Variants in GLIS3 observed in about 807,000 individuals in gnomAD.
The protein encoded by GLIS3 is GLIS family zinc finger 3.
A neutral mutation model predicts 78.6 loss-of-function variants in GLIS3; 53 were observed. The ratio of observed to expected loss-of-function variants is 0.67; its 90% confidence interval spans 0.54 to 0.85. GLIS3 has a LOEUF of 0.85. Among genes scored for constraint, GLIS3 ranks in the 40% least tolerant of loss-of-function variants. GLIS3 has a pLI of 0.00. For missense variants in GLIS3, 1,703 were observed against 1,231.1 expected, an observed-to-expected ratio of 1.38 and a Z score of -5.74; for synonymous variants, 684 against 509.9, an observed-to-expected ratio of 1.34 and a Z score of -4.60.
At chr9:4,020,033 G>C (rs1235550327) in intron 4 of GLIS3, among the ~76,000 whole-genome samples, 1 of 152,148 alleles carries the variant, frequency 6.6e-6, no homozygotes, top group African/African-American at 2.4e-5. Context: ...TTACAGGCAT[G>C]AGCCACTGCA....
chr9:3,887,825 T>C (rs117209807), intron 7 of GLIS3, among the ~76,000 whole-genome samples: 1 of 152,296 alleles, frequency 6.6e-6, no homozygotes, highest in Non-Finnish European at 1.5e-5. Context: ...AACAAAGACA[T>C]TTTGTTACCA....
At chr9:4,065,224 C>T (rs1352460985) in intron 4 of GLIS3, among the ~76,000 whole-genome samples, 2 of 152,148 alleles carry the variant, frequency 1.3e-5, no homozygotes. Flanking sequence ...CTCAGGCTTT[C>T]CCTAACTCAC....
chr9:4,202,152 CTTTTT>C (rs71324286), intron 2 of GLIS3, among the ~76,000 whole-genome samples: 1 of 125,442 alleles, frequency 8.0e-6, no homozygotes, highest in Non-Finnish European at 1.6e-5. Flanking sequence ...CCCCCTTTTT[CTTTTT>C]TTTTTTTTTT....
chr9:4,435,690 C>T, the GLIS3 span, among the ~76,000 whole-genome samples: 1 of 152,192 alleles, frequency 6.6e-6, no homozygotes, highest in East Asian at 1.9e-4. Flanking sequence ...TGGCTCACGC[C>T]TGTAATCCCA....
At chr9:4,334,433 T>C (rs1817725006) in intron 2 of GLIS3, among the ~76,000 whole-genome samples, 1 of 152,238 alleles carries the variant, frequency 6.6e-6, no homozygotes, top group African/African-American at 2.4e-5. Context: ...GTCAGTGCCC[T>C]CTGTCCCCTC....
chr9:4,334,563 G>C (rs1817726660), intron 2 of GLIS3, among the ~76,000 whole-genome samples: 1 of 152,206 alleles, frequency 6.6e-6, no homozygotes, highest in Non-Finnish European at 1.5e-5. Flanking sequence ...GTTGTCATGG[G>C]GAAGTTATTG....
the GLIS3 span, among the ~76,000 whole-genome samples, chr9:4,408,750 A>G: frequency 1.4e-5 from 2 of 145,652 alleles, no homozygotes; most frequent in Non-Finnish European, 3.0e-5. Flanking sequence ...AAAAAAAAAT[A>G]GAGAGAATGA....
chr9:3,898,330 G>C (rs1252980527), intron 7 of GLIS3: 1 of 330,256 alleles, frequency 3.0e-6, no homozygotes, highest in Non-Finnish European at 5.9e-6. Context: ...GACAACAACT[G>C]TTTCATTAAG....
chr9:3,962,488 T>G (rs1290724398), intron 4 of GLIS3, among the ~76,000 whole-genome samples: 1 of 152,148 alleles, frequency 6.6e-6, no homozygotes, highest in African/African-American at 2.4e-5. Flanking sequence ...AGTTCCCTAA[T>G]GAAAATTAAC....
In GLIS3 at chr9:3,925,590, TGTGTGCGTGTGCGCGC is replaced by T. The variant is rs1293656581; in HGVS notation, c.1983+6754_1983+6769del. Among the ~76,000 whole-genome samples the T allele has an allele frequency of 5.3e-5, 8 of 150,124 alleles. No individual in the cohort carries two copies. In the East Asian group the frequency reaches 1.4e-3, roughly 25 times the overall value. ...AATGGGTGTGTCTACATGGTCAGTG[TGTGTGCGTGTGCGCGC>T]GTGTGTGTGTGTGTGCGCGCGATCA... On this transcript the variant is annotated intron_variant, in intron 6 of 10. Coordinates refer to ENST00000381971, the MANE Select transcript of GLIS3 (RefSeq NM_001042413.2).
intron 2 of GLIS3, among the ~76,000 whole-genome samples, chr9:4,228,198 C>CAAAAAAAAA (rs59507597): frequency 9.3e-6 from 1 of 107,054 alleles, no homozygotes; most frequent in African/African-American, 3.8e-5. Context: ...TCTAAGGTGG[C>CAAAAAAAAA]AAAAAAAAAA....
intron 9 of GLIS3, among the ~76,000 whole-genome samples, chr9:3,842,914 C>T (rs1480443766): frequency 2.0e-5 from 3 of 152,168 alleles, no homozygotes; most frequent in Non-Finnish European, 4.4e-5. Context: ...GGCAGGCTCC[C>T]AGCCCTTTCT....
chr9:4,266,581 C>A (rs1287668585), intron 2 of GLIS3, among the ~76,000 whole-genome samples: 1 of 129,784 alleles, frequency 7.7e-6, no homozygotes, highest in Admixed American at 8.6e-5. Context: ...ACATTTTACA[C>A]ATGCATGCGC....
At chr9:4,459,465 C>A in the GLIS3 span, among the ~76,000 whole-genome samples, 7 of 152,178 alleles carry the variant, frequency 4.6e-5, no homozygotes, top group African/African-American at 1.7e-4. Flanking sequence ...AAAGCAGATG[C>A]AGAAAGCAGA....
intron 2 of GLIS3, among the ~76,000 whole-genome samples, chr9:4,208,999 A>C (rs558069603): frequency 1.3e-5 from 2 of 152,296 alleles, no homozygotes; most frequent in South Asian, 4.2e-4. Flanking sequence ...CTTCCCATAA[A>C]TGTACATTTT....
chr9:4,098,154 C>T (rs896097084), intron 4 of GLIS3, among the ~76,000 whole-genome samples: 1 of 152,184 alleles, frequency 6.6e-6, no homozygotes, highest in South Asian at 2.1e-4. Flanking sequence ...CTCTCAGGAT[C>T]TCACTGAAGC....
chr9:4,199,476 A>G (rs898890252), intron 2 of GLIS3, among the ~76,000 whole-genome samples: 9 of 149,428 alleles, frequency 6.0e-5, no homozygotes, highest in Non-Finnish European at 1.2e-4. Context: ...GTTTATATAT[A>G]TAAGTTATAT....
chr9:3,860,830 G>C (rs758500870), intron 8 of GLIS3, among the ~76,000 whole-genome samples: 2 of 152,198 alleles, frequency 1.3e-5, no homozygotes, highest in Non-Finnish European at 2.9e-5. Context: ...AGCACTAAAT[G>C]TGTGGCATTG....
At chr9:4,452,778 C>T in the GLIS3 span, among the ~76,000 whole-genome samples, 71 of 152,172 alleles carry the variant, frequency 4.7e-4, no homozygotes, top group Non-Finnish European at 9.4e-4. Context: ...CTATCCCCAT[C>T]AAGCTGTTTT....
Sources: gnomAD v4.1 joint callset for allele counts (sites outside exome capture counted in the v4.1 genomes callset) on GRCh38, gnomAD v4.1.1 for gene constraint, MANE v1.5 for transcripts, NCBI Gene and HGNC (gene_info 2026-07-23, HGNC 2026-07-21) for gene names.